The following BAG4 variants were observed in gnomAD, a reference collection of about 807,000 sequenced individuals.
BAG4 encodes BAG family molecular chaperone regulator 4.
A neutral mutation model predicts 52.1 loss-of-function variants in BAG4; 28 were observed. The ratio of observed to expected loss-of-function variants is 0.54; its 90% CI spans 0.40 to 0.74. The LOEUF (loss-of-function observed/expected upper bound fraction) is 0.74. Ranked by LOEUF, BAG4 falls within the 30% of genes least tolerant of loss-of-function variation. BAG4 has a pLI of 0.00. For missense variants in BAG4, 525 were observed against 572.0 expected (o/e 0.92, Z 0.84); for synonymous variants, 208 against 217.0 (o/e 0.96, Z 0.37).
rs1336020230 is a variant in BAG4 at position 38,211,645 on chromosome 8, G to C, written c.*1152G>C. ...GAATGAATCAGCCATAGTTAGAGTG[G>C]GAAATTATTATTTTCTTCATTTAAA... On this transcript the variant is annotated 3_prime_UTR_variant, in exon 5 of 5. Coordinates refer to ENST00000287322, the MANE Select transcript of BAG4 (RefSeq NM_004874.4). 1.3e-5 allele frequency: 2 copies of C among 151,508 alleles called. No homozygotes were observed. The highest frequency in any genetic ancestry group is 2.9e-5 in the Non-Finnish European group (2 of 67,838). The allele number at this position is 151,508 out of a possible 1,614,324, so 9.4% of individuals were successfully genotyped here. A position where few individuals can be genotyped will look rare whatever the true frequency, so the allele number is the denominator to read the frequency against.
intron 1 of BAG4, among the ~76,000 whole-genome samples, chr8:38,189,189 C>T (rs903677355): frequency 6.6e-6 from 1 of 152,198 alleles, no homozygotes; most frequent in African/African-American, 2.4e-5. Context: ...AAGTGACCCA[C>T]CCACCTCGGC....
chr8:38,203,636 G>A (rs534894679), intron 2 of BAG4, among the ~76,000 whole-genome samples: 4 of 152,104 alleles, frequency 2.6e-5, no homozygotes, highest in Admixed American at 2.6e-4. Flanking sequence ...CAAGCAAGAT[G>A]AGTAGGGCCT....
intron 2 of BAG4, 85 bp from the exon 3 acceptor site, chr8:38,207,427 A>C (rs1421763618): frequency 4.2e-6 from 6 of 1,443,996 alleles, no homozygotes; most frequent in African/African-American, 1.4e-5. Context: ...CATCTTCTCA[A>C]AGTTTTCAAG....
intron 1 of BAG4, among the ~76,000 whole-genome samples, chr8:38,190,759 C>CTTTT (rs763468928): frequency 3.7e-5 from 5 of 133,842 alleles, no homozygotes; most frequent in Non-Finnish European, 4.8e-5. Context: ...GGTGGGTTGT[C>CTTTT]TTTTTTTTTT....
chr8:38,179,288 C>T (rs1205852735), intron 1 of BAG4, among the ~76,000 whole-genome samples: 1 of 151,950 alleles, frequency 6.6e-6, no homozygotes, highest in Non-Finnish European at 1.5e-5. Flanking sequence ...TTCCTAGTAG[C>T]TGGGATTACA....
chr8:38,200,011 T>C (rs914227767), intron 2 of BAG4, among the ~76,000 whole-genome samples: 8 of 89,498 alleles, frequency 8.9e-5, no homozygotes, highest in African/African-American at 1.5e-4. Flanking sequence ...GGTACCCCCT[T>C]TTTTTTTTTT....
chr8:38,188,469 A>G (rs1407491101), intron 1 of BAG4, among the ~76,000 whole-genome samples: 3 of 151,926 alleles, frequency 2.0e-5, no homozygotes, highest in Non-Finnish European at 4.4e-5. Context: ...CCCTGTTTTG[A>G]TCATTACACT....
rs1803861460 is a variant in BAG4 at position 38,211,196 on chromosome 8, T to C, written c.*703T>C. The C allele has an allele frequency of 6.7e-6, 1 of 149,364 alleles. No individual in the cohort carries two copies. Among genetic ancestry groups the C allele is most frequent in the Non-Finnish European group, 1.5e-5 (1 of 67,536 alleles). The allele number at this position is 149,364 out of a possible 1,614,324, so 9.3% of individuals were successfully genotyped here. A position where few individuals can be genotyped will look rare whatever the true frequency, so the allele number is the denominator to read the frequency against. ...CTATAGATCATTAGGTTAGAGTTTTTTTCTTCTTTTTTTTTTTTTTTTTTT... is the reference window on the plus strand; with the variant it reads ...CTATAGATCATTAGGTTAGAGTTTTCTTCTTCTTTTTTTTTTTTTTTTTTT... On this transcript the variant is annotated 3_prime_UTR_variant, in exon 5 of 5. Coordinates refer to ENST00000287322, the MANE Select transcript of BAG4 (RefSeq NM_004874.4).
chr8:38,179,003 A>G (rs1392276081), intron 1 of BAG4, among the ~76,000 whole-genome samples: 1 of 152,146 alleles, frequency 6.6e-6, no homozygotes, highest in African/African-American at 2.4e-5. Flanking sequence ...AAAATAAGAA[A>G]TGTTCTAAAA....
At chr8:38,195,675 C>T (rs1490824961) in intron 2 of BAG4, among the ~76,000 whole-genome samples, 1 of 152,056 alleles carries the variant, frequency 6.6e-6, no homozygotes, top group Non-Finnish European at 1.5e-5. Context: ...TAGTACTTAC[C>T]ACAAACTTTC....
At chr8:38,199,091 TATC>T (rs1296836283) in intron 2 of BAG4, among the ~76,000 whole-genome samples, 1 of 152,218 alleles carries the variant, frequency 6.6e-6, no homozygotes, top group Non-Finnish European at 1.5e-5. Context: ...CATAGTCAAT[TATC>T]ATCATCAAGT....
intron 2 of BAG4, among the ~76,000 whole-genome samples, chr8:38,204,968 A>C (rs1478857841): frequency 2.6e-5 from 4 of 152,108 alleles, no homozygotes; most frequent in Non-Finnish European, 5.9e-5. Context: ...GGAAAAAAAC[A>C]ACCTTAAAAA....
At chr8:38,190,021 G>A (rs534585564) in intron 1 of BAG4, among the ~76,000 whole-genome samples, 2 of 152,228 alleles carry the variant, frequency 1.3e-5, no homozygotes, top group South Asian at 2.1e-4. Flanking sequence ...TCCTGACCTC[G>A]TGATCCACCT....
At chr8:38,184,050 T>C (rs751357249) in intron 1 of BAG4, among the ~76,000 whole-genome samples, 7 of 152,094 alleles carry the variant, frequency 4.6e-5, no homozygotes, top group Non-Finnish European at 1.0e-4. Flanking sequence ...AAACAGGTTA[T>C]TGGAGTTATG....
At chr8:38,182,313 A>G (rs1803287161) in intron 1 of BAG4, among the ~76,000 whole-genome samples, 1 of 152,224 alleles carries the variant, frequency 6.6e-6, no homozygotes, top group South Asian at 2.1e-4. Context: ...GCAAATCTGT[A>G]AATGGAATTT....
chr8:38,195,212 A>T (rs1268826036), intron 2 of BAG4, among the ~76,000 whole-genome samples: 1 of 151,934 alleles, frequency 6.6e-6, no homozygotes, highest in Non-Finnish European at 1.5e-5. Flanking sequence ...GTATGGTGGC[A>T]TGATGACAGC....
At position 38,209,247 on chromosome 8, in the gene BAG4, C is replaced by T. The variant is rs775387645; in HGVS notation, c.868C>T (p.Pro290Ser). ...TGGCTCTCCCCAGTCACCCCCTTCA[C>T]CCCCAGTCCAGCAGCCCAAGGTAGG... ...SSGSPQSPPSPPVQQPKDSSY... is the reference protein window; with the variant it reads ...SSGSPQSPPSSPVQQPKDSSY... Residue 290 changes from proline to serine, a missense_variant, in exon 4 of 5, where the codon CCC becomes TCC. Pro to Ser is a moderately conservative substitution (Grantham distance 74). Around this residue, in one of 2 missense-constraint regions of BAG4, gnomAD observed 238 missense variants for 305.8 expected, o/e 0.78. Transcript: ENST00000287322. 1.9e-6 allele frequency: 3 copies of T among 1,614,138 alleles called. No homozygotes were observed. Among genetic ancestry groups the T allele is most frequent in the East Asian group, 2.2e-5 (1 of 44,882 alleles).
At chr8:38,196,882 G>T (rs1803570493) in intron 2 of BAG4, among the ~76,000 whole-genome samples, 1 of 151,832 alleles carries the variant, frequency 6.6e-6, no homozygotes, top group African/African-American at 2.4e-5. Context: ...TTTGAGACCA[G>T]CCTGGCCAAC....
chr8:38,201,842 A>T (rs1249910220), intron 2 of BAG4: 2 of 7,830 alleles, frequency 2.6e-4, no homozygotes, highest in Non-Finnish European at 4.2e-4. Context: ...ATTTATATAT[A>T]TATATATATA....
Sources: allele counts gnomAD v4.1 joint callset (sites outside exome capture counted in the v4.1 genomes callset), GRCh38; gene constraint gnomAD v4.1.1; regional missense constraint gnomAD v4.1.1; transcripts MANE v1.5; gene names NCBI Gene and HGNC (gene_info 2026-07-23, HGNC 2026-07-21).